The following CERS4 variants were observed in gnomAD, a reference collection of about 807,000 sequenced individuals.
CERS4 encodes ceramide synthase 4.
CERS4 carries 65 observed loss-of-function variants against 51.8 expected under a neutral mutation model. That is an observed-to-expected ratio of 1.26 (90% CI 1.03 to 1.54). The LOEUF (loss-of-function observed/expected upper bound fraction) is 1.54. Among genes scored for constraint, CERS4 ranks in the 40% most tolerant of loss-of-function variants. The pLI is 0.00. For missense variants in CERS4, 563 were observed against 500.4 expected (o/e 1.13, Z -1.19); for synonymous variants, 228 against 208.4 (o/e 1.09, Z -0.81).
chr19:8,225,417 C>CTTTT (rs35365775), intron 2 of CERS4, among the ~76,000 whole-genome samples: 1 of 113,882 alleles, frequency 8.8e-6, no homozygotes, highest in Non-Finnish European at 1.8e-5. Flanking sequence ...TCCAATAATT[C>CTTTT]TTTTTTTTTT....
At chr19:8,226,031 A>G (rs541307953) in intron 2 of CERS4, among the ~76,000 whole-genome samples, 1 of 152,026 alleles carries the variant, frequency 6.6e-6, no homozygotes, top group South Asian at 2.1e-4. Flanking sequence ...CTCCGTCTCT[A>G]CTAAAAAATG....
chr19:8,257,146 G>A, intron 9 of CERS4, 69 bp downstream of exon 9: 2 of 1,483,242 alleles, frequency 1.3e-6, no homozygotes, highest in East Asian at 4.7e-5. Context: ...CCAGAGATGA[G>A]GTCCCATTCC....
Position 8,260,604 on chromosome 19 carries a change from G to GT in CERS4, c.849-1077dup, listed in dbSNP as rs544510608. Among the ~76,000 whole-genome samples, 51 of 151,352 alleles carry GT rather than the reference G, an allele frequency of 3.4e-4. No individual in the cohort carries two copies. The South Asian group carries it at 5.5e-3, about 16-fold the overall frequency. ...GGGCAGAGTAAAGAGTGAGCTTTTT[G>GT]TTTTTTTCTTTCTTGTGTGAAATAA... On this transcript the variant is annotated intron_variant, in intron 10 of 11. Coordinates refer to ENST00000251363, the MANE Select transcript of CERS4 (RefSeq NM_024552.3).
In CERS4 at chr19:8,210,375, G is replaced by C. The variant is rs185603751; in HGVS notation, c.-158-331G>C. 2.1e-3 allele frequency among the ~76,000 whole-genome samples: 313 copies of C among 152,232 alleles called. 2 individuals are homozygous for C. Among genetic ancestry groups the C allele is most frequent in the African/African-American group, 7.2e-3 (297 of 41,534 alleles). ...AATTCTGTCTGTTTGCAAGTGGAGCGTGGGGGACCGATGTTTCTCCTGGGT... is the reference window on the plus strand; with the variant it reads ...AATTCTGTCTGTTTGCAAGTGGAGCCTGGGGGACCGATGTTTCTCCTGGGT... On this transcript the variant is annotated intron_variant, in intron 1 of 11. Transcript: ENST00000251363. The surrounding 1 kb of genome is among the most constrained non-coding windows in gnomAD (Gnocchi z 4.2).
chr19:8,231,305 G>T (rs1042535266), intron 2 of CERS4, among the ~76,000 whole-genome samples: 2 of 152,164 alleles, frequency 1.3e-5, no homozygotes, highest in Non-Finnish European at 2.9e-5. Context: ...ATTCTGTTAT[G>T]TTCCTTTGAA....
intron 3 of CERS4, among the ~76,000 whole-genome samples, chr19:8,253,673 C>T (rs905244484): frequency 1.3e-5 from 2 of 151,920 alleles, no homozygotes; most frequent in South Asian, 2.1e-4. Flanking sequence ...CTCACTGCAA[C>T]CTCCACCTCC....
intron 2 of CERS4, among the ~76,000 whole-genome samples, chr19:8,242,851 G>A (rs1339407953): frequency 6.6e-6 from 1 of 152,058 alleles, no homozygotes; most frequent in Admixed American, 6.6e-5. Context: ...CAGAGGCAAG[G>A]CTTGAGATTG....
At chr19:8,255,417 T>C (rs910875738) in intron 4 of CERS4, among the ~76,000 whole-genome samples, 190 bp from the exon 5 acceptor site, 1 of 152,132 alleles carries the variant, frequency 6.6e-6, no homozygotes, top group Admixed American at 6.5e-5. Context: ...GATTTGCTTC[T>C]CTTAGGGCCC....
intron 2 of CERS4, among the ~76,000 whole-genome samples, chr19:8,232,588 G>A (rs181091112): frequency 2.6e-5 from 4 of 152,070 alleles, no homozygotes; most frequent in Admixed American, 2.0e-4. Flanking sequence ...CACTGTGCCC[G>A]GCCTAGAATT....
intron 2 of CERS4, among the ~76,000 whole-genome samples, chr19:8,236,144 G>A (rs977179975): frequency 3.9e-5 from 6 of 152,078 alleles, no homozygotes; most frequent in Non-Finnish European, 5.9e-5. Flanking sequence ...GCAGTGAGCC[G>A]AGATCGCGCC....
In CERS4 at chr19:8,262,288, C is replaced by A; in HGVS notation, c.*179C>A. 1.8e-6 allele frequency: 1 copy of A among 565,142 alleles called. No homozygotes were observed. The highest frequency in any genetic ancestry group is 2.8e-6 in the Non-Finnish European group (1 of 361,710). The allele number at this position is 565,142 out of a possible 1,614,324, so 35.0% of individuals were successfully genotyped here. On this transcript the variant is annotated 3_prime_UTR_variant, in exon 12 of 12. Transcript: ENST00000251363. ...CCTTCTGCCCACCCACCCTTCTTCCCTCTGGGCAACTGGACAGATCTGGGA... is the reference window on the plus strand; with the variant it reads ...CCTTCTGCCCACCCACCCTTCTTCCATCTGGGCAACTGGACAGATCTGGGA...
At chr19:8,231,903 G>A (rs1252006065) in intron 2 of CERS4, among the ~76,000 whole-genome samples, 1 of 142,942 alleles carries the variant, frequency 7.0e-6, no homozygotes, top group Non-Finnish European at 1.5e-5. Context: ...GGAGTGCAGT[G>A]GTGCAATCAT....
At chr19:8,241,353 C>T (rs1307670246) in intron 2 of CERS4, 1 of 152,374 alleles carries the variant, frequency 6.6e-6, no homozygotes, top group Non-Finnish European at 1.5e-5. Context: ...TCTGCTCCGT[C>T]ACCCAGGCTG....
chr19:8,256,328 G>A (rs375683332), intron 7 of CERS4, 42 bp downstream of exon 7: 43 of 1,604,640 alleles, frequency 2.7e-5, no homozygotes, highest in Middle Eastern at 1.7e-4. Context: ...GGGTGAGGGC[G>A]ATGATCACAG....
intron 6 of CERS4, 56 bp downstream of exon 6, chr19:8,255,935 T>C: frequency 6.3e-7 from 1 of 1,582,428 alleles, no homozygotes; most frequent in Non-Finnish European, 8.7e-7. Flanking sequence ...CTGGCCTAGA[T>C]CTGGCAGGAG....
Position 8,255,867 on chromosome 19 carries a change from G to A in CERS4, c.456G>A (p.Ser152=), listed in dbSNP as rs375415282. 6.2e-6 allele frequency: 10 copies of A among 1,613,858 alleles called. No homozygotes were observed. The highest frequency in any genetic ancestry group is 2.2e-5 in the East Asian group (1 of 44,882). ...FYLSSFVGGL[S]VLYHESWLWA... ...TGTCCTCCTTCGTGGGCGGCCTCTCGGTCCTGTACCACGTGAGTATACCAG... is the reference window on the plus strand; with the variant it reads ...TGTCCTCCTTCGTGGGCGGCCTCTCAGTCCTGTACCACGTGAGTATACCAG... Residue 152 remains serine, a synonymous_variant, in exon 6 of 12, where the codon TCG becomes TCA. Coordinates refer to ENST00000251363, the MANE Select transcript of CERS4 (RefSeq NM_024552.3).
chr19:8,246,099 C>A (rs2927719), intron 2 of CERS4, among the ~76,000 whole-genome samples: 135,072 of 149,690 alleles, frequency 0.9, 61,179 homozygotes, highest in Non-Finnish European at 0.96. Flanking sequence ...ACAACAACAA[C>A]AAAAAAACAA....
chr19:8,255,520 A>G, intron 4 of CERS4, 87 bp from the exon 5 acceptor site: 1 of 1,158,686 alleles, frequency 8.6e-7, no homozygotes, highest in South Asian at 1.4e-5. Flanking sequence ...CCTGCAGTGG[A>G]GAGGGCAGAG....
intron 2 of CERS4, among the ~76,000 whole-genome samples, chr19:8,223,257 C>T (rs1207672985): frequency 2.0e-5 from 3 of 151,546 alleles, no homozygotes; most frequent in African/African-American, 7.3e-5. Flanking sequence ...ATCACTTGAA[C>T]CCAGGAGTTT....
Sources: gnomAD v4.1 joint callset for allele counts (sites outside exome capture counted in the v4.1 genomes callset) on GRCh38, gnomAD v4.1.1 for gene constraint, Gnocchi (gnomAD v3.1) non-coding constraint, MANE v1.5 for transcripts, NCBI Gene and HGNC (gene_info 2026-07-23, HGNC 2026-07-21) for gene names.